The following GRIP1 variants were observed in gnomAD, a reference collection of about 807,000 sequenced individuals.
GRIP1 encodes the protein glutamate receptor-interacting protein 1.
GRIP1 carries 45 observed loss-of-function variants against 129.9 expected under a neutral mutation model. The ratio of observed to expected loss-of-function variants is 0.35; its 90% confidence interval spans 0.27 to 0.44. The LOEUF is 0.44. Among genes scored for constraint, GRIP1 ranks in the 20% least tolerant of loss-of-function variants. GRIP1 has a pLI of 1.00. For synonymous variants in GRIP1, 530 were observed against 520.8 expected, an observed-to-expected ratio of 1.02 and a Z score of -0.24; for missense variants, 1,196 against 1,396.8, an observed-to-expected ratio of 0.86 and a Z score of 2.29.
chr12:67,012,550 A>G (rs1337630409), intron 1 of GRIP1, among the ~76,000 whole-genome samples: 4 of 152,134 alleles, frequency 2.6e-5, no homozygotes, highest in African/African-American at 9.7e-5. Flanking sequence ...TTAACTCCCT[A>G]TCTTGTGACA....
In GRIP1 at chr12:66,901,918, T is replaced by C. The variant is rs189516458; in HGVS notation, c.58+167132A>G. Reference sequence around the variant, plus strand: ...GGCATACATAAAGTCTTCTCAAAATTATAATGCATTCAGCAACAAAAAACT... The same window carrying C: ...GGCATACATAAAGTCTTCTCAAAATCATAATGCATTCAGCAACAAAAAACT... On this transcript the variant is annotated intron_variant, in intron 1 of 1. Transcript: ENST00000643019. Among the ~76,000 whole-genome samples the C allele has an allele frequency of 2.6e-5, 4 of 152,344 alleles. No individual in the cohort carries two copies. The East Asian group carries it at 7.7e-4, about 29-fold the overall frequency.
chr12:66,787,003 C>G (rs1476011806), intron 1 of GRIP1, among the ~76,000 whole-genome samples: 2 of 152,070 alleles, frequency 1.3e-5, no homozygotes, highest in African/African-American at 4.8e-5. Context: ...GAGAAGAAAT[C>G]CAAAACAAAA....
In GRIP1 at chr12:66,462,982, G is replaced by C; in HGVS notation, c.984C>G (p.Val328=). 1 of 1,613,986 alleles carries C rather than the reference G, an allele frequency of 6.2e-7. No individual in the cohort carries two copies. The highest frequency in any genetic ancestry group is 8.5e-7 in the Non-Finnish European group (1 of 1,179,966). The change falls in exon 9 of 25, where the codon GTC becomes GTG. Residue 328 remains valine (V), a synonymous_variant. Transcript: ENST00000359742. ...TQFLANTTDQ[V]KLEILPHHQT... ...GATGATGGGGAAGGATCTCAAGCTT[G>C]ACCTGGTCAGTGGTGTTGGCCAGGA...
Position 66,491,087 on chromosome 12 carries a change from T to G in GRIP1, c.724+24532A>C, listed in dbSNP as rs557885372. Among the ~76,000 whole-genome samples the G allele has an allele frequency of 1.9e-3, 287 of 152,306 alleles. 1 individual carries two copies. The highest frequency in any genetic ancestry group is 6.5e-3 in the African/African-American group (271 of 41,564). On this transcript the variant is annotated intron_variant, in intron 7 of 24. Coordinates refer to ENST00000359742, the MANE Select transcript of GRIP1 (RefSeq NM_001366722.1). Reference sequence around the variant, plus strand: ...AAGACCTAGAGGCAGAATTACCATTTGACCCAGCAATCCCATTACTGTGTA... The same window carrying G: ...AAGACCTAGAGGCAGAATTACCATTGGACCCAGCAATCCCATTACTGTGTA...
chr12:66,679,245 T>C (rs2034483275), upstream of GRIP1: 2 of 753,126 alleles, frequency 2.7e-6, no homozygotes, highest in Admixed American at 3.5e-5. Context: ...AATCTAACGC[T>C]AAGCACTGAA....
At chr12:66,965,630 T>A (rs1323772371) in intron 1 of GRIP1, among the ~76,000 whole-genome samples, 1 of 150,232 alleles carries the variant, frequency 6.7e-6, no homozygotes, top group Non-Finnish European at 1.5e-5. Flanking sequence ...CTAACGGATT[T>A]TCAAGGTTCA....
intron 1 of GRIP1, among the ~76,000 whole-genome samples, chr12:66,601,881 T>G (rs919791398): frequency 2.6e-5 from 4 of 152,152 alleles, no homozygotes; most frequent in African/African-American, 9.7e-5. Context: ...ATGTGCAAAC[T>G]AAGACTAAAA....
At chr12:66,766,710 T>G (rs1324802178) in intron 1 of GRIP1, among the ~76,000 whole-genome samples, 2 of 152,216 alleles carry the variant, frequency 1.3e-5, no homozygotes. Context: ...AACCTTGACT[T>G]AAAGATCAAC....
intron 11 of GRIP1, among the ~76,000 whole-genome samples, chr12:66,448,925 C>T (rs2058702433): frequency 6.6e-6 from 1 of 152,148 alleles, no homozygotes; most frequent in South Asian, 2.1e-4. Flanking sequence ...ACATAGGACC[C>T]TTCATCAGTT....
chr12:66,616,093 A>G (rs529577961), intron 1 of GRIP1, among the ~76,000 whole-genome samples: 3 of 152,258 alleles, frequency 2.0e-5, no homozygotes, highest in African/African-American at 7.2e-5. Context: ...ACATCCCTAA[A>G]TATCACTTCC....
chr12:66,350,803 C>G (rs893780428), intron 24 of GRIP1, among the ~76,000 whole-genome samples: 1 of 152,196 alleles, frequency 6.6e-6, no homozygotes, highest in African/African-American at 2.4e-5. Flanking sequence ...CCCAACCCAC[C>G]TTCGATAAAC....
intron 2 of GRIP1, among the ~76,000 whole-genome samples, chr12:66,592,436 G>A (rs17181595): frequency 0.25 from 37,331 of 152,022 alleles, 4,718 homozygotes; most frequent in Admixed American, 0.28. Flanking sequence ...GAGGGGAAAA[G>A]AAATCCCACA....
chr12:66,724,952 T>C (rs545197220), intron 1 of GRIP1, among the ~76,000 whole-genome samples: 90 of 152,258 alleles, frequency 5.9e-4, no homozygotes, highest in Admixed American at 1.8e-3. Flanking sequence ...AGCCCATCCA[T>C]TGAAGATTCT....
intron 5 of GRIP1, among the ~76,000 whole-genome samples, chr12:66,521,965 C>T (rs961094452): frequency 6.6e-6 from 1 of 152,202 alleles, no homozygotes; most frequent in African/African-American, 2.4e-5. Flanking sequence ...GGGTGCCTGC[C>T]ATTGCCCAGG....
chr12:67,006,489 G>C (rs1461929475), intron 1 of GRIP1, among the ~76,000 whole-genome samples: 1 of 152,080 alleles, frequency 6.6e-6, no homozygotes, highest in Non-Finnish European at 1.5e-5. Flanking sequence ...GGGAGGGGCT[G>C]AAGTGAGAGA....
intron 23 of GRIP1, among the ~76,000 whole-genome samples, chr12:66,363,200 CAT>C (rs35452357): frequency 0.42 from 36,722 of 88,000 alleles, 8,302 homozygotes; most frequent in Middle Eastern, 0.57. Context: ...TGTGTGTGTC[CAT>C]ATATATATAT....
intron 1 of GRIP1, among the ~76,000 whole-genome samples, chr12:66,878,462 G>A (rs2040419056): frequency 6.6e-6 from 1 of 151,894 alleles, no homozygotes; most frequent in African/African-American, 2.4e-5. Flanking sequence ...ACCAAAGCCT[G>A]GGAGAGGAGA....
At chr12:66,905,981 C>T (rs942945982) in intron 1 of GRIP1, among the ~76,000 whole-genome samples, 1 of 151,718 alleles carries the variant, frequency 6.6e-6, no homozygotes, top group South Asian at 2.1e-4. Context: ...GTGGTCAGTT[C>T]TCGATGTGTA....
At chr12:66,991,245 C>T (rs2042390481) in intron 1 of GRIP1, among the ~76,000 whole-genome samples, 2 of 152,012 alleles carry the variant, frequency 1.3e-5, no homozygotes, top group African/African-American at 4.8e-5. Context: ...TGCACTCAAG[C>T]GTGGGCAACA....
Sources: allele counts gnomAD v4.1 joint callset (sites outside exome capture counted in the v4.1 genomes callset), GRCh38; gene constraint gnomAD v4.1.1; transcripts MANE v1.5; gene names NCBI Gene and HGNC (gene_info 2026-07-23, HGNC 2026-07-21).